The following SDHA variants were observed in gnomAD, a reference collection of about 807,000 sequenced individuals.
SDHA encodes the protein succinate dehydrogenase [ubiquinone] flavoprotein subunit, mitochondrial.
A neutral mutation model predicts 78.4 loss-of-function variants in SDHA; 48 were observed. That is an observed-to-expected ratio of 0.61 (90% CI 0.49 to 0.78). The LOEUF (loss-of-function observed/expected upper bound fraction) is 0.78, where lower values mean the gene tolerates loss of function less well. Among genes scored for constraint, SDHA ranks in the 30% least tolerant of loss-of-function variants. The probability of loss-of-function intolerance (pLI) is 0.00; values close to 1 mark genes in which losing one functional copy is unlikely to be tolerated. For missense variants in SDHA, 680 were observed against 892.7 expected, an observed-to-expected ratio of 0.76 and a Z score of 3.04; for synonymous variants, 326 against 353.9, an observed-to-expected ratio of 0.92 and a Z score of 0.88.
chr5:241,167 C>T (rs1213458364), intron 11 of SDHA, among the ~76,000 whole-genome samples: 1 of 152,168 alleles, frequency 6.6e-6, no homozygotes, highest in African/African-American at 2.4e-5. Flanking sequence ...CTGTGGTTCA[C>T]TCGTGTGTGC....
At chr5:244,368 G>T (rs1218004562) in intron 11 of SDHA, among the ~76,000 whole-genome samples, 7 of 151,980 alleles carry the variant, frequency 4.6e-5, no homozygotes, top group Admixed American at 4.6e-4. Flanking sequence ...CATTGATTCA[G>T]ATTACAATGA....
At chr5:247,448 T>A (rs1455177007) in intron 11 of SDHA, among the ~76,000 whole-genome samples, 1 of 152,252 alleles carries the variant, frequency 6.6e-6, no homozygotes, top group Non-Finnish European at 1.5e-5. Context: ...TATCTAATGC[T>A]AGACACTTTC....
chr5:237,549 A>G (rs1318880750), intron 10 of SDHA, among the ~76,000 whole-genome samples: 1 of 134,592 alleles, frequency 7.4e-6, no homozygotes, highest in Non-Finnish European at 1.5e-5. Flanking sequence ...CACGGTGGTT[A>G]TCCAGCCTCG....
chr5:220,321 T>A (rs1734643109), intron 1 of SDHA: 1 of 437,420 alleles, frequency 2.3e-6, no homozygotes, highest in African/African-American at 2.1e-5. Context: ...TAGTTACTGG[T>A]TAACTGCTTA....
chr5:262,437 C>T, the SDHA span, among the ~76,000 whole-genome samples: 1 of 152,106 alleles, frequency 6.6e-6, no homozygotes, highest in Admixed American at 6.6e-5. Context: ...TGGGCGAGCT[C>T]CGCCTCCTGC....
At chr5:235,414 T>C in intron 9 of SDHA, 75 bp downstream of exon 9, 2 of 1,374,458 alleles carry the variant, frequency 1.5e-6, no homozygotes, top group Non-Finnish European at 2.1e-6. Flanking sequence ...GTTGTCTCTT[T>C]AGATCTTACA....
At chr5:242,858 A>G (rs536467668) in intron 11 of SDHA, among the ~76,000 whole-genome samples, 1 of 152,272 alleles carries the variant, frequency 6.6e-6, no homozygotes, top group East Asian at 1.9e-4. Flanking sequence ...GCTAATAATA[A>G]GGGGGAAGGA....
At chr5:228,718 C>T (rs1440191065) in intron 6 of SDHA, among the ~76,000 whole-genome samples, 1 of 152,162 alleles carries the variant, frequency 6.6e-6, no homozygotes, top group Non-Finnish European at 1.5e-5. Context: ...TTCTTCTCCA[C>T]ATGATGAAAA....
intron 10 of SDHA, among the ~76,000 whole-genome samples, chr5:237,503 G>A (rs1432020747): frequency 2.3e-5 from 3 of 133,252 alleles, no homozygotes; most frequent in East Asian, 2.0e-4. Flanking sequence ...CACTAAGAAC[G>A]GGGCAGTTAG....
chr5:236,317 C>G, intron 9 of SDHA, 111 bp from the exon 10 acceptor site: 1 of 1,126,860 alleles, frequency 8.9e-7, no homozygotes, highest in African/African-American at 1.5e-5. Context: ...AGCCACCACG[C>G]CTGGCCTACT....
intron 11 of SDHA, among the ~76,000 whole-genome samples, chr5:242,171 CA>C (rs994863853): frequency 6.6e-6 from 1 of 151,416 alleles, no homozygotes; most frequent in Non-Finnish European, 1.5e-5. Flanking sequence ...TAGTAAGAAG[CA>C]AAAAAAAGAA....
intron 13 of SDHA, among the ~76,000 whole-genome samples, chr5:252,356 T>C (rs1282881972): frequency 1.6e-5 from 2 of 126,726 alleles, no homozygotes; most frequent in South Asian, 4.6e-4. Flanking sequence ...AAATAAGGAG[T>C]AAGCCACCAT....
intron 11 of SDHA, among the ~76,000 whole-genome samples, chr5:248,675 C>G (rs1169790010): frequency 1.3e-5 from 2 of 152,078 alleles, no homozygotes; most frequent in African/African-American, 2.4e-5. Flanking sequence ...AATGAACGTA[C>G]ATGTTTGGGA....
intron 11 of SDHA, chr5:250,627 G>A (rs531767600): frequency 1.2e-4 from 44 of 352,006 alleles, no homozygotes; most frequent in East Asian, 4.5e-4. Flanking sequence ...ACCAGACCCC[G>A]CGTCAGGAGT....
In SDHA at chr5:233,512, TGTC is replaced by T. The variant is rs1735548711; in HGVS notation, c.934_936del (p.Arg312del). 6.2e-7 allele frequency: 1 copy of T among 1,614,106 alleles called. No individual in the cohort carries two copies. The highest frequency in any genetic ancestry group is 1.3e-5 in the African/African-American group (1 of 74,932). ...TGCTGGTTGTCTCATTACGGAAGGA[TGTC>T]GTGGAGAGGGAGGCATTCTCATTAA... On this transcript the variant is annotated inframe_deletion, in exon 8 of 15. Coordinates refer to ENST00000264932, the MANE Select transcript of SDHA (RefSeq NM_004168.4).
Position 245,839 on chromosome 5 carries a change from A to G in SDHA, c.1552-5153A>G, listed in dbSNP as rs573470297. 2.0e-5 allele frequency among the ~76,000 whole-genome samples: 3 copies of G among 152,296 alleles called. No individual in the cohort carries two copies. In the East Asian group the frequency reaches 5.8e-4, roughly 29 times the overall value. ...TTCCTACCTATGCCATGAGTAATCT[A>G]TTTTCTATCCTTAGAGGAGATCCTA... On this transcript the variant is annotated intron_variant, in intron 11 of 14. Transcript: ENST00000264932.
At chr5:265,340 C>T in the SDHA span, among the ~76,000 whole-genome samples, 1 of 152,172 alleles carries the variant, frequency 6.6e-6, no homozygotes, top group African/African-American at 2.4e-5. Context: ...GAGCAGTAGG[C>T]ACATGAAGCA....
At chr5:230,548 C>G (rs1410995866) in intron 6 of SDHA, among the ~76,000 whole-genome samples, 1 of 152,170 alleles carries the variant, frequency 6.6e-6, no homozygotes, top group East Asian at 1.9e-4. Context: ...ATCACTTGAA[C>G]CTGGGAGCCG....
intron 9 of SDHA, 124 bp from the exon 10 acceptor site, chr5:236,304 G>A (rs544431084): frequency 4.4e-5 from 43 of 967,870 alleles, no homozygotes; most frequent in Admixed American, 5.6e-5. Flanking sequence ...GATTACAGGC[G>A]TGAGCCACCA....
Sources: allele counts gnomAD v4.1 joint callset (sites outside exome capture counted in the v4.1 genomes callset), GRCh38; gene constraint gnomAD v4.1.1; transcripts MANE v1.5; gene names NCBI Gene and HGNC (gene_info 2026-07-23, HGNC 2026-07-21).